The following NPR1 variants were observed in gnomAD, a reference collection of about 807,000 sequenced individuals.
The protein encoded by NPR1 is atrial natriuretic peptide receptor 1.
NPR1 carries 57 observed loss-of-function variants against 116.9 expected under a neutral mutation model. The ratio of observed to expected loss-of-function variants is 0.49; its 90% CI spans 0.39 to 0.61. The LOEUF is 0.61. Among genes scored for constraint, NPR1 ranks in the 20% least tolerant of loss-of-function variants. The pLI, the probability that NPR1 is intolerant of heterozygous loss-of-function variation, is 0.00. For synonymous variants in NPR1, 555 were observed against 601.6 expected (o/e 0.92, Z 1.13); for missense variants, 1,096 against 1,409.8 (o/e 0.78, Z 3.56).
In NPR1 at chr1:153,679,287, A is replaced by G. The variant is rs1329096522; in HGVS notation, c.179A>G (p.Glu60Gly). The G allele has an allele frequency of 3.3e-6, 5 of 1,529,898 alleles. No individual in the cohort carries two copies. In the African/African-American group the frequency reaches 5.6e-5, roughly 17 times the overall value. 94.8% of individuals were successfully genotyped at this position (1,529,898 alleles called of 1,614,324 possible). ...WSWARVGPAV[E>G]LALAQVKARP... ...TGGGCGCGCGTGGGACCCGCCGTGGAGCTGGCCCTGGCCCAGGTGAAGGCG... is the reference window on the plus strand; with the variant it reads ...TGGGCGCGCGTGGGACCCGCCGTGGGGCTGGCCCTGGCCCAGGTGAAGGCG... Residue 60 changes from glutamate to glycine, a missense_variant, in exon 1 of 22, where the codon GAG becomes GGG. Physicochemically the swap from Glu to Gly is moderately conservative, Grantham distance 98. Transcript: ENST00000368680. This position sits in a 1 kb window ranked among gnomAD's most constrained non-coding sequence, Gnocchi z 4.2.
intron 8 of NPR1, among the ~76,000 whole-genome samples, chr1:153,685,463 A>C (rs1204783681): frequency 1.3e-5 from 2 of 152,156 alleles, no homozygotes; most frequent in Non-Finnish European, 2.9e-5. Context: ...TGGGAGTTCA[A>C]GACCAGCCTG....
chr1:153,686,083 ACCATGC>A, intron 9 of NPR1, 34 bp from the exon 10 acceptor site: 1 of 1,596,842 alleles, frequency 6.3e-7, no homozygotes, highest in Non-Finnish European at 8.6e-7. Context: ...AGGACATGGG[ACCATGC>A]TCTTCACAGT....
rs1670163532 is a variant in NPR1 at position 153,693,581 on chromosome 1, G to A, written c.*167G>A. ...AAGACACCAGATAGGACCTCTGAGAGGGGACTGGCATGGGGGGATCTCAGA... is the reference window on the plus strand; with the variant it reads ...AAGACACCAGATAGGACCTCTGAGAAGGGACTGGCATGGGGGGATCTCAGA... On this transcript the variant is annotated 3_prime_UTR_variant, in exon 22 of 22. Coordinates refer to ENST00000368680, the MANE Select transcript of NPR1 (RefSeq NM_000906.4). 3.4e-6 allele frequency: 2 copies of A among 591,666 alleles called. No individual in the cohort carries two copies. Among genetic ancestry groups the A allele is most frequent in the Admixed American group, 6.8e-5 (2 of 29,604 alleles). 36.7% of individuals were successfully genotyped at this position (591,666 alleles called of 1,614,324 possible). A position where few individuals can be genotyped will look rare whatever the true frequency, so the allele number is the denominator to read the frequency against.
In NPR1 at chr1:153,693,615, G is replaced by A; in HGVS notation, c.*201G>A. The A allele has an allele frequency of 1.9e-6, 1 of 515,498 alleles. No homozygotes were observed. Among genetic ancestry groups the A allele is most frequent in the Non-Finnish European group, 3.4e-6 (1 of 296,088 alleles). 31.9% of individuals were successfully genotyped at this position (515,498 alleles called of 1,614,324 possible). A position where few individuals can be genotyped will look rare whatever the true frequency, so the allele number is the denominator to read the frequency against. On this transcript the variant is annotated 3_prime_UTR_variant, in exon 22 of 22. Coordinates refer to ENST00000368680, the MANE Select transcript of NPR1 (RefSeq NM_000906.4). ...CATGGGGGGATCTCAGAGCTTACAGGCTGAGCCAAGCCCACGGCCATGCAC... is the reference window on the plus strand; with the variant it reads ...CATGGGGGGATCTCAGAGCTTACAGACTGAGCCAAGCCCACGGCCATGCAC...
At chr1:153,693,061 C>G (rs765299419) in intron 20 of NPR1, 45 bp from the exon 21 acceptor site, 1 of 1,491,726 alleles carries the variant, frequency 6.7e-7, no homozygotes, top group East Asian at 2.3e-5. Flanking sequence ...TTCCTGCTCT[C>G]CTCTCTCACA....
In NPR1 at chr1:153,679,521, C is replaced by T; in HGVS notation, c.413C>T (p.Thr138Ile). The change falls in exon 1 of 22, where the codon ACC (threonine) becomes ATC (isoleucine). Residue 138 changes from threonine to isoleucine, a missense_variant. Coordinates refer to ENST00000368680, the MANE Select transcript of NPR1 (RefSeq NM_000906.4). This position sits in a 1 kb window ranked among gnomAD's most constrained non-coding sequence, Gnocchi z 4.2. ...GCGCACTGGCGGGTCCCGCTGCTGACCGCCGGCGCCCCGGCGCTGGGCTTC... is the reference window on the plus strand; with the variant it reads ...GCGCACTGGCGGGTCCCGCTGCTGATCGCCGGCGCCCCGGCGCTGGGCTTC... Reference protein sequence around the residue: ...FTAHWRVPLLTAGAPALGFGV... With the variant: ...FTAHWRVPLLIAGAPALGFGV... 3 of 1,536,188 alleles carry T rather than the reference C, an allele frequency of 2.0e-6. No individual in the cohort carries two copies. The highest frequency in any genetic ancestry group is 3.9e-5 in the Admixed American group (2 of 50,786).
intron 15 of NPR1, 23 bp downstream of exon 15, chr1:153,688,244 C>T (rs770675478): frequency 5.6e-6 from 9 of 1,603,888 alleles, no homozygotes; most frequent in Middle Eastern, 1.7e-4. Flanking sequence ...TGTCATGGAT[C>T]CCCCAGGCCC....
chr1:153,690,942 C>CAA (rs57820357), intron 20 of NPR1, among the ~76,000 whole-genome samples: 18 of 51,290 alleles, frequency 3.5e-4, no homozygotes, highest in Middle Eastern at 0.01. Context: ...AACTCTGTCT[C>CAA]AAAAAAAAAA....
At chr1:153,686,857 C>T (rs1669947732) in intron 11 of NPR1, 107 bp downstream of exon 11, 1 of 1,280,778 alleles carries the variant, frequency 7.8e-7, no homozygotes, top group East Asian at 2.4e-5. Flanking sequence ...ACCTTTCTGG[C>T]CCCATCTGTA....
In NPR1 at chr1:153,688,042, C is replaced by G. The variant is rs778388736; in HGVS notation, c.2249-11C>G. On this transcript the variant is annotated splice_polypyrimidine_tract_variant and intron_variant, in intron 14 of 21. Transcript: ENST00000368680. Reference sequence around the variant, plus strand: ...GCCCCACCCCTCAGCTCCTCTACCCCCCCAATACAGAGATCATCGAGCGGG... The same window carrying G: ...GCCCCACCCCTCAGCTCCTCTACCCGCCCAATACAGAGATCATCGAGCGGG... 24 of 1,596,264 alleles carry G rather than the reference C, an allele frequency of 1.5e-5. No homozygotes were observed. Among genetic ancestry groups the G allele is most frequent in the Non-Finnish European group, 2.0e-5 (23 of 1,168,434 alleles).
Position 153,689,454 on chromosome 1 carries a change from T to A in NPR1, c.2690T>A (p.Val897Glu), listed in dbSNP as rs1268919776. ...ALSAESTPMQ[V>E]VTLLNDLYTC... Reference sequence around the variant, plus strand: ...CTCTTAGCTTCTCTTCCCTTCCAGGTGGTGACCCTGCTCAATGACCTGTAC... The same window carrying A: ...CTCTTAGCTTCTCTTCCCTTCCAGGAGGTGACCCTGCTCAATGACCTGTAC... The change falls in exon 18 of 22, where the codon GTG becomes GAG. Residue 897 changes from valine (V) to glutamate (E), a missense_variant and splice_region_variant. Coordinates refer to ENST00000368680, the MANE Select transcript of NPR1 (RefSeq NM_000906.4). The surrounding 1 kb of genome is among the most constrained non-coding windows in gnomAD (Gnocchi z 5.1). The A allele has an allele frequency of 6.2e-7, 1 of 1,614,050 alleles. No individual in the cohort carries two copies. Among genetic ancestry groups the A allele is most frequent in the Non-Finnish European group, 8.5e-7 (1 of 1,179,980 alleles).
chr1:153,688,535 G>T (rs1314386413), intron 15 of NPR1, among the ~76,000 whole-genome samples: 1 of 152,004 alleles, frequency 6.6e-6, no homozygotes, highest in African/African-American at 2.4e-5. Context: ...CCCGCCTCCT[G>T]CCCTGTAGGC....
At chr1:153,683,643 A>T in intron 6 of NPR1, 97 bp from the exon 7 acceptor site, 3 of 1,535,854 alleles carry the variant, frequency 2.0e-6, no homozygotes, top group Admixed American at 3.4e-5. Context: ...TCTTCCCTTC[A>T]TCCATCATCC....
rs756641839 is a variant in NPR1 at position 153,682,483 on chromosome 1, C to T, written c.1172-15C>T. ...CTATTCTCTCAAACATAGTCATCTT[C>T]CCCCATGTCCTCAGGTGTGACAGGA... On this transcript the variant is annotated splice_polypyrimidine_tract_variant and intron_variant, in intron 4 of 21. Transcript: ENST00000368680. The T allele has an allele frequency of 5.4e-5, 86 of 1,594,708 alleles. No homozygotes were observed. In the South Asian group the frequency reaches 7.7e-4, roughly 14 times the overall value.
intron 20 of NPR1, among the ~76,000 whole-genome samples, chr1:153,692,581 C>G (rs1374066700): frequency 6.6e-6 from 1 of 150,986 alleles, no homozygotes; most frequent in African/African-American, 2.4e-5. Context: ...GGTGCAATCT[C>G]GGCTCACTGC....
chr1:153,689,970 C>G lies in NPR1; in HGVS notation c.2922C>G (p.Gly974=). The G allele has an allele frequency of 2.0e-6, 3 of 1,529,700 alleles. No homozygotes were observed. The highest frequency in any genetic ancestry group is 4.0e-5 in the Admixed American group (2 of 49,662). The allele number at this position is 1,529,700 out of a possible 1,614,324, so 94.8% of individuals were successfully genotyped here. A position where few individuals can be genotyped will look rare whatever the true frequency, so the allele number is the denominator to read the frequency against. Residue 974 remains glycine, a synonymous_variant, in exon 19 of 22, where the codon GGC becomes GGG. Transcript: ENST00000368680. This position sits in a 1 kb window ranked among gnomAD's most constrained non-coding sequence, Gnocchi z 5.1. The part of the protein sequence containing the change: ...RPQEQLRLRI[G]IHTGPVCAGV... Reference sequence around the variant, plus strand: ...AGGAGCAGCTGCGCTTGCGCATTGGCATCCACACAGGTAAGGCCACTGAAG... The same window carrying G: ...AGGAGCAGCTGCGCTTGCGCATTGGGATCCACACAGGTAAGGCCACTGAAG...
In NPR1 at chr1:153,680,679, C is replaced by T. The variant is rs769561829; in HGVS notation, c.900C>T (p.Val300=). Residue 300 remains valine, a synonymous_variant, in exon 2 of 22, where the codon GTC becomes GTT. Coordinates refer to ENST00000368680, the MANE Select transcript of NPR1 (RefSeq NM_000906.4). ...GGGAGAGAGGGGATGGGCAGGATGTCAGTGCCCGCCAGGCCTTTCAGGTGA... is the reference window on the plus strand; with the variant it reads ...GGGAGAGAGGGGATGGGCAGGATGTTAGTGCCCGCCAGGCCTTTCAGGTGA... ...RPWERGDGQD[V]SARQAFQAAK... 2 of 1,613,618 alleles carry T rather than the reference C, an allele frequency of 1.2e-6. No homozygotes were observed. The highest frequency in any genetic ancestry group is 4.5e-5 in the East Asian group (2 of 44,890).
At chr1:153,682,149 G>C (rs1669799150) in intron 4 of NPR1, among the ~76,000 whole-genome samples, 1 of 151,914 alleles carries the variant, frequency 6.6e-6, no homozygotes, top group African/African-American at 2.4e-5. Flanking sequence ...CCGCCTCCCA[G>C]GTTCAAGCAA....
intron 20 of NPR1, among the ~76,000 whole-genome samples, chr1:153,692,149 G>A (rs1261207701): frequency 6.6e-6 from 1 of 152,132 alleles, no homozygotes; most frequent in African/African-American, 2.4e-5. Flanking sequence ...TGCTTCCTAG[G>A]TAGCACATTC....
Sources: gnomAD v4.1 joint callset for allele counts (sites outside exome capture counted in the v4.1 genomes callset) on GRCh38, gnomAD v4.1.1 for gene constraint, Gnocchi (gnomAD v3.1) non-coding constraint, MANE v1.5 for transcripts, NCBI Gene and HGNC (gene_info 2026-07-23, HGNC 2026-07-21) for gene names.